The following CDH18 variants were observed in gnomAD, a reference collection of about 807,000 sequenced individuals.
CDH18 encodes cadherin-18.
In CDH18, 31 loss-of-function variants were observed where a neutral mutation model predicts 67.9. The observed-to-expected ratio is 0.46, with a 90% CI of 0.34 to 0.62. The LOEUF (loss-of-function observed/expected upper bound fraction) is 0.62. Among genes scored for constraint, CDH18 ranks in the 20% least tolerant of loss-of-function variants. CDH18 has a pLI of 0.01. For missense variants in CDH18, 890 were observed against 975.5 expected (o/e 0.91, Z 1.17); for synonymous variants, 362 against 347.2 (o/e 1.04, Z -0.48).
At chr5:19,579,068 G>A (rs899771939) in intron 7 of CDH18, among the ~76,000 whole-genome samples, 10 of 151,902 alleles carry the variant, frequency 6.6e-5, no homozygotes, top group African/African-American at 2.2e-4. Flanking sequence ...TGCAGAGAAT[G>A]ATTTATTAAA....
chr5:20,571,537 T>G, intron 1 of CDH18, among the ~76,000 whole-genome samples: 1 of 152,150 alleles, frequency 6.6e-6, no homozygotes, highest in East Asian at 1.9e-4. Flanking sequence ...GGGAATGATT[T>G]CCACAGAACT....
intron 2 of CDH18, among the ~76,000 whole-genome samples, chr5:20,196,021 T>C (rs1453563960): frequency 1.3e-5 from 2 of 152,152 alleles, no homozygotes; most frequent in Non-Finnish European, 2.9e-5. Flanking sequence ...AGAGATTGAA[T>C]ATTTAGCATC....
intron 2 of CDH18, among the ~76,000 whole-genome samples, chr5:19,977,063 A>T (rs573793243): frequency 5.3e-5 from 8 of 152,318 alleles, no homozygotes; most frequent in African/African-American, 1.9e-4. Flanking sequence ...TAGATATTTC[A>T]ACTCAGTGGG....
intron 11 of CDH18, among the ~76,000 whole-genome samples, chr5:19,485,595 G>A (rs1450143300): frequency 6.6e-6 from 1 of 152,024 alleles, no homozygotes; most frequent in African/African-American, 2.4e-5. Context: ...AGAGAAAGAA[G>A]TGGAGAAATG....
intron 5 of CDH18, among the ~76,000 whole-genome samples, chr5:19,703,808 A>G (rs1043113963): frequency 6.6e-6 from 1 of 152,012 alleles, no homozygotes; most frequent in Non-Finnish European, 1.5e-5. Context: ...GATTTAAACA[A>G]GCTATTAATC....
intron 2 of CDH18, among the ~76,000 whole-genome samples, chr5:19,860,679 T>C (rs1468887942): frequency 6.6e-6 from 1 of 151,940 alleles, no homozygotes; most frequent in African/African-American, 2.4e-5. Flanking sequence ...TAGTGTTACA[T>C]TAGCTTAAGT....
intron 2 of CDH18, among the ~76,000 whole-genome samples, chr5:20,164,669 A>G (rs912595785): frequency 2.1e-4 from 32 of 152,222 alleles, no homozygotes; most frequent in African/African-American, 7.0e-4. Flanking sequence ...GTTAAATATA[A>G]GTAAATTAGA....
upstream of CDH18, among the ~76,000 whole-genome samples, chr5:19,991,132 C>G (rs538204897): frequency 6.6e-6 from 1 of 152,216 alleles, no homozygotes; most frequent in South Asian, 2.1e-4. Flanking sequence ...GAGAGAGACT[C>G]AGAAAATTGT....
At chr5:20,422,567 T>C (rs899702587) in intron 1 of CDH18, among the ~76,000 whole-genome samples, 1 of 151,084 alleles carries the variant, frequency 6.6e-6, no homozygotes, top group Admixed American at 6.6e-5. Flanking sequence ...CAACCAAATT[T>C]ATTTGAAAAT....
chr5:20,501,022 G>A (rs1038567135), intron 1 of CDH18, among the ~76,000 whole-genome samples: 1 of 152,020 alleles, frequency 6.6e-6, no homozygotes, highest in Non-Finnish European at 1.5e-5. Flanking sequence ...CAACAATAAG[G>A]ACACAAATAT....
chr5:20,052,515 G>T (rs1403232346), intron 2 of CDH18, among the ~76,000 whole-genome samples: 1 of 152,040 alleles, frequency 6.6e-6, no homozygotes, highest in African/African-American at 2.4e-5. Context: ...ATAGCAACAT[G>T]GGTGCGTGTA....
At chr5:20,030,760 C>T (rs1231032741) in intron 2 of CDH18, among the ~76,000 whole-genome samples, 2 of 152,006 alleles carry the variant, frequency 1.3e-5, no homozygotes, top group Non-Finnish European at 2.9e-5. Flanking sequence ...ACGAGTTAGG[C>T]CATGCAGAGT....
chr5:20,402,594 C>A (rs1745863471), intron 1 of CDH18, among the ~76,000 whole-genome samples: 1 of 152,104 alleles, frequency 6.6e-6, no homozygotes, highest in African/African-American at 2.4e-5. Flanking sequence ...AAATTATAGT[C>A]TCTTCAGTGT....
At chr5:19,663,780 G>A (rs567755973) in intron 5 of CDH18, among the ~76,000 whole-genome samples, 86 of 151,574 alleles carry the variant, frequency 5.7e-4, no homozygotes, top group Non-Finnish European at 9.1e-4. Flanking sequence ...ATATTCACAC[G>A]CAATATTTTT....
chr5:20,572,532 T>TA (rs1261480040), intron 1 of CDH18, among the ~76,000 whole-genome samples: 2 of 152,178 alleles, frequency 1.3e-5, no homozygotes, highest in Non-Finnish European at 1.5e-5. Context: ...GCATAGGATA[T>TA]ATCTCATTTA....
intron 2 of CDH18, among the ~76,000 whole-genome samples, chr5:20,116,448 G>A (rs1747918886): frequency 6.6e-6 from 1 of 151,824 alleles, no homozygotes. Context: ...CCCAAGAGGT[G>A]GAGGTTACAG....
chr5:20,538,196 C>A (rs1424390352), intron 1 of CDH18, among the ~76,000 whole-genome samples: 1 of 152,050 alleles, frequency 6.6e-6, no homozygotes, highest in African/African-American at 2.4e-5. Context: ...AAGTCAAAAT[C>A]CACAATTCAC....
rs189472571 is a variant in CDH18, at chr5:20,489,065, C to T, written c.-580+86397G>A. Among the ~76,000 whole-genome samples the T allele has an allele frequency of 2.6e-5, 4 of 152,084 alleles. 1 individual carries two copies. In the East Asian group the frequency reaches 7.7e-4, roughly 29 times the overall value. Reference sequence around the variant, plus strand: ...ACCTGCTCATTTAATCAACATAACCCTCAAAAATCTATTTTCATATCTCTA... The same window carrying T: ...ACCTGCTCATTTAATCAACATAACCTTCAAAAATCTATTTTCATATCTCTA... On this transcript the variant is annotated intron_variant, in intron 1 of 14. Coordinates refer to the CDH18 transcript ENST00000507958.
upstream of CDH18, among the ~76,000 whole-genome samples, chr5:19,993,022 C>G (rs574380493): frequency 6.6e-6 from 1 of 152,250 alleles, no homozygotes; most frequent in African/African-American, 2.4e-5. Flanking sequence ...TCCAAACCTG[C>G]CCTGAAACTG....
Sources: allele counts gnomAD v4.1 joint callset (sites outside exome capture counted in the v4.1 genomes callset), GRCh38; gene constraint gnomAD v4.1.1; transcripts MANE v1.5; gene names NCBI Gene and HGNC (gene_info 2026-07-23, HGNC 2026-07-21).